Variants in C9orf72 observed in about 807,000 individuals in gnomAD.
C9orf72 encodes the protein guanine nucleotide exchange factor C9orf72.
C9orf72 carries 44 observed loss-of-function variants against 51.6 expected under a neutral mutation model. The ratio of observed to expected loss-of-function variants is 0.85; its 90% CI spans 0.67 to 1.10. C9orf72 has a LOEUF of 1.10. Among genes scored for constraint, C9orf72 ranks in the 50% least tolerant of loss-of-function variants. The pLI, the probability that C9orf72 is intolerant of heterozygous loss-of-function variation, is 0.00. For missense variants in C9orf72, 607 were observed against 570.6 expected (o/e 1.06, Z -0.65); for synonymous variants, 213 against 194.2 (o/e 1.10, Z -0.81).
intron 5 of C9orf72, 59 bp downstream of exon 5, chr9:27,561,526 T>C (rs759384295): frequency 2.3e-4 from 372 of 1,599,006 alleles, no homozygotes; most frequent in Non-Finnish European, 2.8e-4. Flanking sequence ...AATCTTGTCA[T>C]AGGTGAGCAT....
intron 8 of C9orf72, 31 bp from the exon 9 acceptor site, chr9:27,550,738 A>G (rs757393732): frequency 1.3e-5 from 19 of 1,408,654 alleles, no homozygotes; most frequent in Non-Finnish European, 1.8e-5. Context: ...AAGAAAAGAA[A>G]AAAGTTCAAA....
intron 8 of C9orf72, among the ~76,000 whole-genome samples, chr9:27,553,387 AG>A (rs1463445514): frequency 6.6e-6 from 1 of 152,162 alleles, no homozygotes; most frequent in Non-Finnish European, 1.5e-5. Flanking sequence ...TGGAGAATAG[AG>A]AGCCAAGAAA....
At chr9:27,569,295 G>A (rs973450622) in intron 1 of C9orf72, among the ~76,000 whole-genome samples, 1 of 152,198 alleles carries the variant, frequency 6.6e-6, no homozygotes, top group Non-Finnish European at 1.5e-5. Flanking sequence ...AGCGTACTGT[G>A]TTTATAGTCT....
chr9:27,546,659 A>C lies in C9orf72; in HGVS notation c.*1577T>G, dbSNP rs963173607. The stretch of plus-strand genomic sequence containing the variant: ...CTGTACAACTTACATTCTGTATAAC[A>C]GTACAATAAACCAGCCAAAGAAAAT... On this transcript the variant is annotated 3_prime_UTR_variant, in exon 11 of 11. Coordinates refer to ENST00000380003, the MANE Select transcript of C9orf72 (RefSeq NM_018325.5). 1 of 152,228 alleles carries C rather than the reference A, an allele frequency of 6.6e-6. No individual in the cohort carries two copies. The highest frequency in any genetic ancestry group is 2.4e-5 in the African/African-American group (1 of 41,468). The allele number at this position is 152,228 out of a possible 1,614,324, so 9.4% of individuals were successfully genotyped here.
chr9:27,549,790 A>C (rs1441502741), intron 9 of C9orf72, among the ~76,000 whole-genome samples: 1 of 151,664 alleles, frequency 6.6e-6, no homozygotes. Flanking sequence ...AAAAAAAAAA[A>C]AACTTACTTG....
intron 8 of C9orf72, among the ~76,000 whole-genome samples, chr9:27,553,865 C>T (rs1820957118): frequency 6.6e-6 from 1 of 152,110 alleles, no homozygotes; most frequent in African/African-American, 2.4e-5. Flanking sequence ...AAACAACCCA[C>T]CCCACTACAA....
intron 3 of C9orf72, among the ~76,000 whole-genome samples, chr9:27,564,380 C>G (rs1345237120): frequency 1.3e-5 from 2 of 152,078 alleles, no homozygotes; most frequent in Non-Finnish European, 2.9e-5. Flanking sequence ...CCAGTAAAAG[C>G]AGAATTTTAG....
chr9:27,549,674 T>C (rs1820865729), intron 9 of C9orf72, among the ~76,000 whole-genome samples: 2 of 152,122 alleles, frequency 1.3e-5, no homozygotes, highest in Admixed American at 1.3e-4. Context: ...TAAGTAGATA[T>C]TTTTTAAAAG....
chr9:27,569,369 A>G (rs1001893251), intron 1 of C9orf72, among the ~76,000 whole-genome samples: 18 of 152,212 alleles, frequency 1.2e-4, no homozygotes, highest in African/African-American at 4.3e-4. Context: ...ACTCACCCAG[A>G]GCAACTTCTA....
At chr9:27,557,455 T>C (rs1376371562) in intron 7 of C9orf72, among the ~76,000 whole-genome samples, 2 of 152,136 alleles carry the variant, frequency 1.3e-5, no homozygotes, top group African/African-American at 4.8e-5. Flanking sequence ...ATAATCATCT[T>C]TGTATAATGT....
intron 5 of C9orf72, chr9:27,561,263 A>G (rs1819339982): frequency 9.2e-7 from 1 of 1,087,502 alleles, no homozygotes; most frequent in Non-Finnish European, 1.1e-6. Context: ...ACTTAAGTTC[A>G]TCTACAGTAC....
chr9:27,573,282 G>A, intron 1 of C9orf72, 149 bp downstream of exon 1: 1 of 175,082 alleles, frequency 5.7e-6, no homozygotes, highest in Non-Finnish European at 1.2e-5. Flanking sequence ...CGCTAGAGGC[G>A]AAAGCCCGAC....
rs1444667426 is a variant in C9orf72 at position 27,556,796 on chromosome 9, C to G, written c.856G>C (p.Asp286His). ...SGLFVQGLLKDSTGSFVLPFR... is the reference protein window; with the variant it reads ...SGLFVQGLLKHSTGSFVLPFR... ...GGCAGCACAAAGCTTCCAGTTGAAT[C>G]CTGTCAAAATAAAAGGAAAATTTAC... is the stretch of plus-strand genomic sequence containing the variant. The change falls in exon 8 of 11, where the codon GAT (aspartate) becomes CAT (histidine). Residue 286 changes from aspartate (D) to histidine (H), a missense_variant and splice_region_variant. Coordinates refer to ENST00000380003, the MANE Select transcript of C9orf72 (RefSeq NM_018325.5). 6.2e-7 allele frequency: 1 copy of G among 1,603,560 alleles called. No homozygotes were observed. Among genetic ancestry groups the G allele is most frequent in the African/African-American group, 1.3e-5 (1 of 74,814 alleles).
At position 27,561,572 on chromosome 9, in the gene C9orf72, G is replaced by A. The variant is rs770623181; in HGVS notation, c.665+13C>T. ...CTGCTTCATCCAGCTTTTATGAAAA[G>A]AAAAATTCTTACTTGAGAAGAAAGC... On this transcript the variant is annotated intron_variant, in intron 5 of 10. Transcript: ENST00000380003. 1 of 1,611,446 alleles carries A rather than the reference G, an allele frequency of 6.2e-7. No individual in the cohort carries two copies. Among genetic ancestry groups the A allele is most frequent in the Non-Finnish European group, 8.5e-7 (1 of 1,178,694 alleles).
intron 3 of C9orf72, among the ~76,000 whole-genome samples, chr9:27,563,478 T>C (rs547585014): frequency 6.6e-6 from 1 of 152,334 alleles, no homozygotes; most frequent in Admixed American, 6.5e-5. Context: ...CATTTTTAGC[T>C]AAACATATTT....
intron 5 of C9orf72, 28 bp downstream of exon 5, chr9:27,561,557 C>A: frequency 6.2e-7 from 1 of 1,609,132 alleles, no homozygotes; most frequent in South Asian, 1.1e-5. Context: ...CTGCTTCATC[C>A]AGCTTTTATG....
Position 27,548,319 on chromosome 9 carries a change from T to C in C9orf72, c.1363A>G (p.Ile455Val). The change falls in exon 11 of 11, where the codon ATT (isoleucine) becomes GTT (valine). Residue 455 changes from isoleucine (I) to valine (V), a missense_variant. By Grantham distance (29) the Ile-to-Val change is conservative (BLOSUM62 3). Coordinates refer to ENST00000380003, the MANE Select transcript of C9orf72 (RefSeq NM_018325.5). ...ATAAAAGAGTGTAGGCCTGGTTTAA[T>C]TTTCTCAGCCAGAGCCATTATTATG... ...LNIIMALAEK[I>V]KPGLHSFIFG... is the part of the protein sequence containing the mutation. The C allele has an allele frequency of 1.2e-6, 2 of 1,613,126 alleles. No individual in the cohort carries two copies. The highest frequency in any genetic ancestry group is 1.7e-6 in the Non-Finnish European group (2 of 1,179,592).
intron 1 of C9orf72, among the ~76,000 whole-genome samples, chr9:27,572,606 T>C (rs1819611350): frequency 6.6e-6 from 1 of 152,074 alleles, no homozygotes; most frequent in Non-Finnish European, 1.5e-5. Context: ...TCCCAGAGCC[T>C]AACAATCTCG....
chr9:27,553,895 A>T (rs1820957673), intron 8 of C9orf72, among the ~76,000 whole-genome samples: 1 of 152,176 alleles, frequency 6.6e-6, no homozygotes. Context: ...AGGACATGAA[A>T]ATTTTTCAGA....
Sources: gnomAD v4.1 joint callset for allele counts (sites outside exome capture counted in the v4.1 genomes callset) on GRCh38, gnomAD v4.1.1 for gene constraint, MANE v1.5 for transcripts, NCBI Gene and HGNC (gene_info 2026-07-23, HGNC 2026-07-21) for gene names.